The following WWC1 variants were observed in gnomAD, a reference collection of about 807,000 sequenced individuals.
WWC1 encodes protein KIBRA.
Under a neutral mutation model 138.4 loss-of-function variants are expected in WWC1, and 55 were observed. That is an observed-to-expected ratio of 0.40 (90% CI 0.32 to 0.50). The LOEUF (loss-of-function observed/expected upper bound fraction) is 0.50. Among genes scored for constraint, WWC1 ranks in the 20% least tolerant of loss-of-function variants. WWC1 has a pLI of 0.72. For missense variants in WWC1, 1,226 were observed against 1,420.4 expected (o/e 0.86, Z 2.20); for synonymous variants, 524 against 564.9 (o/e 0.93, Z 1.03).
intron 15 of WWC1, among the ~76,000 whole-genome samples, chr5:168,435,985 G>C (rs1308402811): frequency 6.6e-6 from 1 of 152,140 alleles, no homozygotes; most frequent in African/African-American, 2.4e-5. Flanking sequence ...TGGGACTATA[G>C]GCACGCGCCA....
rs775040872 is a variant in WWC1 at position 168,408,498 on chromosome 5, C to T, written c.721-9C>T. On this transcript the variant is annotated splice_polypyrimidine_tract_variant and intron_variant, in intron 6 of 22. Coordinates refer to ENST00000265293, the MANE Select transcript of WWC1 (RefSeq NM_015238.3). ...GGCGCATCACTAACCCTGCTCTCCC[C>T]TCCTTCAGAGCCTTGCCATGTTGAA... The T allele has an allele frequency of 1.2e-6, 2 of 1,613,654 alleles. No homozygotes were observed. Among genetic ancestry groups the T allele is most frequent in the African/African-American group, 1.3e-5 (1 of 74,924 alleles).
chr5:168,339,999 TTCTC>T (rs1186296183), intron 1 of WWC1, among the ~76,000 whole-genome samples: 4 of 103,672 alleles, frequency 3.9e-5, no homozygotes, highest in Admixed American at 9.8e-5. Context: ...CTCTCTCTCT[TTCTC>T]TCTTTCTTTC....
At chr5:168,339,933 TTCTC>T (rs748373149) in intron 1 of WWC1, among the ~76,000 whole-genome samples, 11 of 124,700 alleles carry the variant, frequency 8.8e-5, no homozygotes, top group Non-Finnish European at 1.5e-4. Context: ...CTTTCTCTCT[TTCTC>T]TCTCTCTCTC....
At chr5:168,446,844 A>G (rs1012590643) in intron 17 of WWC1, among the ~76,000 whole-genome samples, 22 of 152,332 alleles carry the variant, frequency 1.4e-4, no homozygotes, top group East Asian at 1.3e-3. Flanking sequence ...GTTCCTCACT[A>G]CTGGCTGGAA....
chr5:168,426,777 T>A (rs1781536281), intron 11 of WWC1, among the ~76,000 whole-genome samples: 1 of 152,220 alleles, frequency 6.6e-6, no homozygotes, highest in African/African-American at 2.4e-5. Flanking sequence ...TGCCCCTCAA[T>A]GCTGCGAGCC....
chr5:168,389,058 C>G (rs1426275268), intron 3 of WWC1, among the ~76,000 whole-genome samples: 2 of 152,070 alleles, frequency 1.3e-5, no homozygotes, highest in African/African-American at 4.8e-5. Flanking sequence ...TATTGAGATT[C>G]ATTACATTAT....
intron 2 of WWC1, among the ~76,000 whole-genome samples, chr5:168,378,946 G>A (rs1777424617): frequency 6.6e-6 from 1 of 152,156 alleles, no homozygotes; most frequent in African/African-American, 2.4e-5. Context: ...GAAAACAGGT[G>A]TGTGGCAAGT....
intron 15 of WWC1, among the ~76,000 whole-genome samples, chr5:168,435,980 C>T (rs1782320839): frequency 6.6e-6 from 1 of 151,986 alleles, no homozygotes; most frequent in Non-Finnish European, 1.5e-5. Flanking sequence ...GTAGCTGGGA[C>T]TATAGGCACG....
At chr5:168,381,826 G>T (rs1163294524) in intron 2 of WWC1, among the ~76,000 whole-genome samples, 1 of 148,152 alleles carries the variant, frequency 6.7e-6, no homozygotes. Context: ...ACTGGATGAG[G>T]CACTGACTTT....
chr5:168,296,507 C>T (rs542942087), intron 1 of WWC1, among the ~76,000 whole-genome samples: 2 of 152,300 alleles, frequency 1.3e-5, no homozygotes, highest in African/African-American at 4.8e-5. Flanking sequence ...GGTTTTTGCA[C>T]ATAATTTCAG....
At chr5:168,442,428 C>G (rs1454145381) in intron 16 of WWC1, among the ~76,000 whole-genome samples, 1 of 121,734 alleles carries the variant, frequency 8.2e-6, no homozygotes, top group African/African-American at 3.5e-5. Flanking sequence ...CATGGTGAGG[C>G]CTTGTCTCTA....
chr5:168,338,242 C>T lies in WWC1; in HGVS notation c.120-33182C>T, dbSNP rs751305492. Among the ~76,000 whole-genome samples the T allele has an allele frequency of 3.3e-4, 49 of 149,484 alleles. 1 individual carries two copies. Among genetic ancestry groups the T allele is most frequent in the Non-Finnish European group, 1.2e-4 (8 of 67,466 alleles). On this transcript the variant is annotated intron_variant, in intron 1 of 22. Transcript: ENST00000265293. ...AGGAGAATCACTGGAAGCAGGGAGG[C>T]GGAGGTTGTGGTGAGCCGAGATCGC... is the stretch of plus-strand genomic sequence containing the variant.
At chr5:168,449,730 C>T (rs1220380838) in intron 17 of WWC1, among the ~76,000 whole-genome samples, 1 of 152,012 alleles carries the variant, frequency 6.6e-6, no homozygotes, top group East Asian at 1.9e-4. Flanking sequence ...TGTGCCACCA[C>T]GCCTGGCTAC....
rs200440880 is a variant in WWC1 at position 168,428,158 on chromosome 5, T to C, written c.1919+17T>C. The C allele has an allele frequency of 2.5e-4, 408 of 1,607,704 alleles. 4 individuals are homozygous for C. In the South Asian group the frequency reaches 2.8e-3, roughly 11 times the overall value. ...CGTGCAGAGGTAGGTGTCTGGGTGCTGGCTCTCTCTGTGGCCCTGTAAGCC... is the reference window on the plus strand; with the variant it reads ...CGTGCAGAGGTAGGTGTCTGGGTGCCGGCTCTCTCTGTGGCCCTGTAAGCC... On this transcript the variant is annotated intron_variant, in intron 12 of 22. Transcript: ENST00000265293.
intron 3 of WWC1, among the ~76,000 whole-genome samples, chr5:168,397,167 G>C (rs1195548137): frequency 6.7e-6 from 1 of 149,742 alleles, no homozygotes; most frequent in Non-Finnish European, 1.5e-5. Flanking sequence ...TTTTGAGATG[G>C]AGTCTCGCTC....
intron 1 of WWC1, among the ~76,000 whole-genome samples, chr5:168,315,761 G>A (rs1009946748): frequency 1.3e-5 from 2 of 152,044 alleles, no homozygotes; most frequent in Admixed American, 6.6e-5. Context: ...ACGAATGGTC[G>A]CTTCCCGTTA....
chr5:168,464,726 C>G lies in WWC1; in HGVS notation c.2917-3C>G. On this transcript the variant is annotated splice_region_variant and splice_polypyrimidine_tract_variant and intron_variant, in intron 20 of 22. Transcript: ENST00000265293. The stretch of plus-strand genomic sequence containing the variant: ...ACAAGAGAAGCCGTCCCCACCCCCA[C>G]AGCCTTCCTCGGTCAAGTCGCTGCG... The G allele has an allele frequency of 6.2e-7, 1 of 1,614,184 alleles. No individual in the cohort carries two copies. The highest frequency in any genetic ancestry group is 8.5e-7 in the Non-Finnish European group (1 of 1,180,024).
At chr5:168,333,876 T>TC (rs1213781527) in intron 1 of WWC1, among the ~76,000 whole-genome samples, 1 of 151,844 alleles carries the variant, frequency 6.6e-6, no homozygotes, top group Non-Finnish European at 1.5e-5. Context: ...AGCCTGATCA[T>TC]CCCCTTGCAT....
At chr5:168,371,565 C>A (rs772821692) in intron 2 of WWC1, 32 bp downstream of exon 2, 1 of 1,499,176 alleles carries the variant, frequency 6.7e-7, no homozygotes, top group Non-Finnish European at 9.3e-7. Flanking sequence ...CTTCCCTGTG[C>A]CCTCTTCATC....
Sources: gnomAD v4.1 joint callset for allele counts (sites outside exome capture counted in the v4.1 genomes callset) on GRCh38, gnomAD v4.1.1 for gene constraint, MANE v1.5 for transcripts, NCBI Gene and HGNC (gene_info 2026-07-23, HGNC 2026-07-21) for gene names.